RAPGEF2: variants seen among roughly 807,000 people sequenced by gnomAD.
RAPGEF2 encodes Rap guanine nucleotide exchange factor 2, also known as PDZ domain containing guanine nucleotide exchange factor (GEF) 1.
A neutral mutation model predicts 186.7 loss-of-function variants in RAPGEF2; 54 were observed. The observed-to-expected ratio is 0.29, with a 90% CI of 0.23 to 0.36. The LOEUF (loss-of-function observed/expected upper bound fraction) is 0.36. RAPGEF2 is among the 10% of genes least tolerant of loss of function. RAPGEF2 has a pLI of 1.00. For synonymous variants in RAPGEF2, 712 were observed against 705.9 expected, an observed-to-expected ratio of 1.01 and a Z score of -0.14; for missense variants, 1,532 against 2,045.0, an observed-to-expected ratio of 0.75 and a Z score of 4.84.
At chr4:159,293,677 G>C (rs1761533559) in intron 7 of RAPGEF2, among the ~76,000 whole-genome samples, 1 of 152,110 alleles carries the variant, frequency 6.6e-6, no homozygotes, top group Admixed American at 6.5e-5. Flanking sequence ...AAAATATAAT[G>C]GTTCAAACAC....
At chr4:159,181,118 T>C (rs1174437524) in intron 1 of RAPGEF2, among the ~76,000 whole-genome samples, 1 of 152,208 alleles carries the variant, frequency 6.6e-6, no homozygotes, top group African/African-American at 2.4e-5. Context: ...AACACCGTAA[T>C]GTTGAAAAGC....
intron 11 of RAPGEF2, among the ~76,000 whole-genome samples, chr4:159,324,829 C>T (rs1288517029): frequency 1.3e-5 from 2 of 152,086 alleles, no homozygotes; most frequent in African/African-American, 4.8e-5. Flanking sequence ...CAGAGAAATA[C>T]ATTTAAGATA....
intron 3 of RAPGEF2, among the ~76,000 whole-genome samples, chr4:159,197,516 CAA>C (rs1748770676): frequency 6.6e-6 from 1 of 152,156 alleles, no homozygotes; most frequent in Non-Finnish European, 1.5e-5. Flanking sequence ...CTTTGGTTTC[CAA>C]AAGAGTTTTC....
At chr4:159,352,578 T>C (rs903049587) in intron 26 of RAPGEF2, 107 bp from the exon 27 acceptor site, 1 of 836,416 alleles carries the variant, frequency 1.2e-6, no homozygotes, top group Non-Finnish European at 1.9e-6. Context: ...TCTCCCCACT[T>C]AAGAGATATC....
In RAPGEF2 at chr4:159,114,905, C is replaced by T. The variant is rs149675071; in HGVS notation, c.69+10674C>T. On this transcript the variant is annotated intron_variant, in intron 1 of 29. Coordinates refer to ENST00000691494, the MANE Select transcript of RAPGEF2 (RefSeq NM_001394067.2). ...TGTTTAAAAAGTCTAGTCAGAGGCA[C>T]TGTTACAGCTATGGATAATAGTGTT... 2.7e-3 allele frequency among the ~76,000 whole-genome samples: 411 copies of T among 152,142 alleles called. 1 individual carries two copies. Among genetic ancestry groups the T allele is most frequent in the African/African-American group, 9.3e-3 (385 of 41,502 alleles).
chr4:159,114,138 C>T (rs866148267), intron 1 of RAPGEF2, among the ~76,000 whole-genome samples: 1,614 of 120,236 alleles, frequency 0.013, 22 homozygotes, highest in African/African-American at 0.038. Context: ...TTTTTTTTTT[C>T]TTTGAGATGG....
Position 159,193,403 on chromosome 4 carries a change from C to CT in RAPGEF2, c.197+148dup, listed in dbSNP as rs2111315622. ...AAATGGGAAACATTTTATCTGTTTC[C>CT]TGTCATAAAATAAAAGTTTACAGTT... On this transcript the variant is annotated intron_variant, in intron 3 of 29. Coordinates refer to ENST00000691494, the MANE Select transcript of RAPGEF2 (RefSeq NM_001394067.2). The CT allele has an allele frequency of 6.9e-6, 3 of 431,662 alleles. No homozygotes were observed. In the East Asian group the frequency reaches 1.0e-4, roughly 15 times the overall value. The allele number at this position is 431,662 out of a possible 1,614,324, so 26.7% of individuals were successfully genotyped here.
Position 159,347,144 on chromosome 4 carries a change from A to G in RAPGEF2, c.3712+146A>G, listed in dbSNP as rs185439245. On this transcript the variant is annotated intron_variant, in intron 25 of 29. Coordinates refer to ENST00000691494, the MANE Select transcript of RAPGEF2 (RefSeq NM_001394067.2). ...AGCTCCTAATAAAACATGAACACTC[A>G]GCAAGTTAAACCTGACTTTGCCAAT... is the stretch of plus-strand genomic sequence containing the variant. 1.1e-3 allele frequency: 864 copies of G among 800,088 alleles called. 8 individuals carry two copies. In the African/African-American group the frequency reaches 0.013, roughly 12 times the overall value. The allele number at this position is 800,088 out of a possible 1,614,324, so 49.6% of individuals were successfully genotyped here.
rs377267527 is a variant in RAPGEF2, at chr4:159,323,440, C to T, written c.991-19C>T. The T allele has an allele frequency of 1.8e-4, 290 of 1,569,274 alleles. No homozygotes were observed. Among genetic ancestry groups the T allele is most frequent in the Non-Finnish European group, 1.5e-4 (170 of 1,157,168 alleles). On this transcript the variant is annotated intron_variant, in intron 10 of 29. Coordinates refer to ENST00000691494, the MANE Select transcript of RAPGEF2 (RefSeq NM_001394067.2). ...ATCATGATGTTACTTTCTGCTTTGTCTTTATTTTTTTGGATTAGCTGGACT... is the reference window on the plus strand; with the variant it reads ...ATCATGATGTTACTTTCTGCTTTGTTTTTATTTTTTTGGATTAGCTGGACT...
chr4:159,207,391 G>A (rs1263515526), intron 3 of RAPGEF2, among the ~76,000 whole-genome samples: 1 of 152,226 alleles, frequency 6.6e-6, no homozygotes, highest in Non-Finnish European at 1.5e-5. Flanking sequence ...TGCCAGGAGA[G>A]CTGAGTTTGT....
At chr4:159,116,078 T>C (rs1478885201) in intron 1 of RAPGEF2, among the ~76,000 whole-genome samples, 2 of 152,022 alleles carry the variant, frequency 1.3e-5, no homozygotes, top group African/African-American at 4.8e-5. Context: ...AAAGCAACAA[T>C]TGACAAATAG....
rs1766749127 is a variant in RAPGEF2, at chr4:159,332,021, A to G, written c.1875A>G (p.Lys625=). ...RNNTHLSITV[K]TNLFVFKELL... ...ACACACATTTATCTATCACTGTGAAAACCAATTTATTTGGTAAGTATTTTG... is the reference window on the plus strand; with the variant it reads ...ACACACATTTATCTATCACTGTGAAGACCAATTTATTTGGTAAGTATTTTG... The change falls in exon 16 of 30, where the codon AAA becomes AAG. Residue 625 remains lysine, a synonymous_variant. Transcript: ENST00000691494. The G allele has an allele frequency of 6.3e-7, 1 of 1,588,256 alleles. No individual in the cohort carries two copies. Among genetic ancestry groups the G allele is most frequent in the African/African-American group, 1.4e-5 (1 of 73,810 alleles).
At chr4:159,117,042 AT>A (rs1476535220) in intron 1 of RAPGEF2, among the ~76,000 whole-genome samples, 1 of 152,178 alleles carries the variant, frequency 6.6e-6, no homozygotes, top group Admixed American at 6.5e-5. Flanking sequence ...TAACAAAAGT[AT>A]TTATCTAAGT....
intron 11 of RAPGEF2, chr4:159,328,350 A>T (rs1766215990): frequency 6.6e-6 from 1 of 152,162 alleles, no homozygotes; most frequent in Non-Finnish European, 1.5e-5. Context: ...CAATATTTTT[A>T]AAAATGTAAT....
chr4:159,291,409 C>G (rs1036800363), intron 7 of RAPGEF2, among the ~76,000 whole-genome samples: 1 of 152,170 alleles, frequency 6.6e-6, no homozygotes, highest in Non-Finnish European at 1.5e-5. Flanking sequence ...AATCCTCCCA[C>G]CTCAGCCTCC....
At chr4:159,258,288 A>G (rs1435250179) in intron 7 of RAPGEF2, among the ~76,000 whole-genome samples, 4 of 152,230 alleles carry the variant, frequency 2.6e-5, no homozygotes, top group Middle Eastern at 3.2e-3. Context: ...ATAAAAAGGA[A>G]TATTGAATGC....
chr4:159,270,452 A>C (rs1055584332), intron 7 of RAPGEF2, among the ~76,000 whole-genome samples: 1 of 152,194 alleles, frequency 6.6e-6, no homozygotes, highest in Non-Finnish European at 1.5e-5. Flanking sequence ...TGTTTTGCTT[A>C]TTCAAAAAGT....
intron 17 of RAPGEF2, among the ~76,000 whole-genome samples, chr4:159,337,907 A>AG (rs1767676277): frequency 6.7e-6 from 1 of 148,536 alleles, no homozygotes; most frequent in African/African-American, 2.5e-5. Flanking sequence ...AAAAAAAAAA[A>AG]AAAAAAGAAA....
chr4:159,331,782 T>C lies in RAPGEF2; in HGVS notation c.1728T>C (p.Ser576=), dbSNP rs761271973. The change falls in exon 15 of 30, where the codon AGT becomes AGC. Residue 576 remains serine (S), a synonymous_variant. Coordinates refer to ENST00000691494, the MANE Select transcript of RAPGEF2 (RefSeq NM_001394067.2). ...SEKGFGIFVD[S]VDSGSKATEA... is the part of the protein sequence containing the mutation. ...AGGGATTTGGAATCTTTGTTGACAG[T>C]GTAGATTCAGGTAGCAAAGCAACTG... The C allele has an allele frequency of 3.7e-6, 6 of 1,613,978 alleles. No homozygotes were observed. The highest frequency in any genetic ancestry group is 2.7e-5 in the African/African-American group (2 of 74,902).
Sources: allele counts gnomAD v4.1 joint callset (sites outside exome capture counted in the v4.1 genomes callset), GRCh38; gene constraint gnomAD v4.1.1; transcripts MANE v1.5; gene names NCBI Gene and HGNC (gene_info 2026-07-23, HGNC 2026-07-21).